STKLD1: variants seen among roughly 807,000 people sequenced by gnomAD.
STKLD1 encodes the protein serine/threonine kinase-like domain-containing protein STKLD1.
STKLD1 carries 79 observed loss-of-function variants against 80.4 expected under a neutral mutation model. That is an observed-to-expected ratio of 0.98 (90% CI 0.82 to 1.19). The LOEUF (loss-of-function observed/expected upper bound fraction) is 1.19. Ranked by LOEUF, STKLD1 falls within the 50% of genes most tolerant of loss-of-function variation. The probability of loss-of-function intolerance (pLI) is 0.00; values close to 1 mark genes in which losing one functional copy is unlikely to be tolerated. For missense variants in STKLD1, 841 were observed against 856.0 expected, an observed-to-expected ratio of 0.98 and a Z score of 0.22; for synonymous variants, 393 against 357.6, an observed-to-expected ratio of 1.10 and a Z score of -1.12.
chr9:133,391,954 G>A (rs1324706749), intron 7 of STKLD1, among the ~76,000 whole-genome samples: 1 of 152,114 alleles, frequency 6.6e-6, no homozygotes, highest in East Asian at 1.9e-4. Flanking sequence ...AGGGGTGGGT[G>A]GCAAGGGGAG....
chr9:133,384,373 C>T lies in STKLD1; in HGVS notation c.219+473C>T, dbSNP rs1369367114. 3 of 159,336 alleles carry T rather than the reference C, an allele frequency of 1.9e-5. No individual in the cohort carries two copies. The highest frequency in any genetic ancestry group is 1.7e-4 in the South Asian group (1 of 5,756). 9.9% of individuals were successfully genotyped at this position (159,336 alleles called of 1,614,324 possible). A position where few individuals can be genotyped will look rare whatever the true frequency, so the allele number is the denominator to read the frequency against. On this transcript the variant is annotated intron_variant, in intron 3 of 17. Transcript: ENST00000371957. This position sits in a 1 kb window ranked among gnomAD's most constrained non-coding sequence, Gnocchi z 4.3. ...GGGAGAATCACTTGAACCTGGGAGG[C>T]GGAGATTGCAATGAGCCGAGATTGC...
chr9:133,397,642 C>T (rs1838596191), intron 10 of STKLD1, among the ~76,000 whole-genome samples: 1 of 152,200 alleles, frequency 6.6e-6, no homozygotes, highest in South Asian at 2.1e-4. Flanking sequence ...GCTTCCACAG[C>T]CTGGGTGGCA....
rs1312923633 is a variant in STKLD1 at position 133,389,902 on chromosome 9, C to T, written c.467+306C>T. Among the ~76,000 whole-genome samples the T allele has an allele frequency of 2.0e-5, 3 of 152,174 alleles. No homozygotes were observed. Among genetic ancestry groups the T allele is most frequent in the Admixed American group, 6.6e-5 (1 of 15,266 alleles). ...CAAGAAGAGAGACCGGGTTGCCTGC[C>T]GTGGGGCCAGTGTGGGCTGAGTGGG... On this transcript the variant is annotated intron_variant, in intron 6 of 17. Transcript: ENST00000371957. This position sits in a 1 kb window ranked among gnomAD's most constrained non-coding sequence, Gnocchi z 6.4.
chr9:133,395,967 A>T, intron 9 of STKLD1: 1 of 529,070 alleles, frequency 1.9e-6, no homozygotes, highest in East Asian at 3.1e-5. Flanking sequence ...TGTACGGTGG[A>T]GTGAGCAGAC....
At position 133,383,865 on chromosome 9, in the gene STKLD1, A is replaced by C. The variant is rs2130271221; in HGVS notation, c.184A>C (p.Met62Leu). ...TCTTGTGCCCTTGCAGGTGGAATGC[A>C]TGGATGACCATTACGCCAGTCAGGC... Reference protein sequence around the residue: ...VKHVIKQVECMDDHYASQALE... With the variant: ...VKHVIKQVECLDDHYASQALE... The change falls in exon 3 of 18, where the codon ATG (methionine) becomes CTG (leucine). Residue 62 changes from methionine (M) to leucine (L), a missense_variant. Physicochemically the swap from Met to Leu is conservative, Grantham distance 15. Transcript: ENST00000371957. The C allele has an allele frequency of 5.0e-6, 8 of 1,613,884 alleles. No individual in the cohort carries two copies. In the African/African-American group the frequency reaches 1.1e-4, roughly 22 times the overall value.
chr9:133,395,587 T>C lies in STKLD1; in HGVS notation c.703-13T>C. On this transcript the variant is annotated splice_polypyrimidine_tract_variant and intron_variant, in intron 8 of 17. Coordinates refer to ENST00000371957, the MANE Select transcript of STKLD1 (RefSeq NM_153710.5). ...CTTAAGGGAATACACAGAGCTGTCCTCTCTCCGTGCAGGGCACAGAAGCCA... is the reference window on the plus strand; with the variant it reads ...CTTAAGGGAATACACAGAGCTGTCCCCTCTCCGTGCAGGGCACAGAAGCCA... 1.9e-6 allele frequency: 3 copies of C among 1,612,110 alleles called. No individual in the cohort carries two copies. The highest frequency in any genetic ancestry group is 2.5e-6 in the Non-Finnish European group (3 of 1,179,560).
At position 133,405,671 on chromosome 9, in the gene STKLD1, C is replaced by T. The variant is rs17150557; in HGVS notation, c.*250C>T. 0.064 allele frequency: 24,157 copies of T among 374,660 alleles called. 970 individuals carry two copies. Among genetic ancestry groups the T allele is most frequent in the Non-Finnish European group, 0.085 (17,885 of 209,396 alleles). The allele number at this position is 374,660 out of a possible 1,614,324, so 23.2% of individuals were successfully genotyped here. On this transcript the variant is annotated 3_prime_UTR_variant, in exon 18 of 18. Transcript: ENST00000371957. ...TCCTTCCAGGAACTGGTTTCTTGCG[C>T]GGAAAAAGTGCTCTTGAGGCTGGAG...
intron 2 of STKLD1, among the ~76,000 whole-genome samples, chr9:133,383,350 GTAA>G (rs1838192182): frequency 3.0e-5 from 2 of 67,102 alleles, no homozygotes; most frequent in African/African-American, 5.1e-5. Flanking sequence ...GGTGATGATG[GTAA>G]TGATGGTGAT....
chr9:133,398,730 G>A (rs1337192036), intron 11 of STKLD1, among the ~76,000 whole-genome samples: 1 of 152,218 alleles, frequency 6.6e-6, no homozygotes, highest in African/African-American at 2.4e-5. Flanking sequence ...AGTGAGCTAC[G>A]CTTGCACCAC....
chr9:133,390,842 G>C lies in STKLD1; in HGVS notation c.583+46G>C. On this transcript the variant is annotated intron_variant, in intron 7 of 17. Transcript: ENST00000371957. The surrounding 1 kb of genome is among the most constrained non-coding windows in gnomAD (Gnocchi z 5.1). Reference sequence around the variant, plus strand: ...TTGTGGGAGAGGGGGTTGGCGCCTAGAATCCAGGCGGCGTTGGCCACTCTG... The same window carrying C: ...TTGTGGGAGAGGGGGTTGGCGCCTACAATCCAGGCGGCGTTGGCCACTCTG... The C allele has an allele frequency of 6.6e-7, 1 of 1,518,398 alleles. No individual in the cohort carries two copies. Among genetic ancestry groups the C allele is most frequent in the Admixed American group, 1.7e-5 (1 of 59,802 alleles). 94.1% of individuals were successfully genotyped at this position (1,518,398 alleles called of 1,614,324 possible).
At chr9:133,382,432 C>T (rs1012560999) in intron 2 of STKLD1, among the ~76,000 whole-genome samples, 3 of 152,176 alleles carry the variant, frequency 2.0e-5, no homozygotes, top group Non-Finnish European at 2.9e-5. Flanking sequence ...GAGCCTGTCA[C>T]TCCTGCTAAA....
chr9:133,403,656 A>C, intron 14 of STKLD1, 44 bp from the exon 15 acceptor site: 1 of 1,594,552 alleles, frequency 6.3e-7, no homozygotes, highest in Non-Finnish European at 8.6e-7. Flanking sequence ...CCCTGCACAC[A>C]CCCAAGGCCT....
chr9:133,393,657 G>A (rs113609393), intron 7 of STKLD1, among the ~76,000 whole-genome samples: 144 of 144,996 alleles, frequency 9.9e-4, no homozygotes, highest in Admixed American at 2.1e-3. Flanking sequence ...GGGTGGGTGG[G>A]TGGATGGATG....
intron 10 of STKLD1, 28 bp from the exon 11 acceptor site, chr9:133,397,943 GT>G: frequency 3.1e-6 from 5 of 1,601,276 alleles, no homozygotes; most frequent in Non-Finnish European, 4.3e-6. Context: ...CCTCAGAAAG[GT>G]CCCTCCCCTG....
chr9:133,388,613 A>C (rs1362980177), intron 5 of STKLD1: 3 of 380,688 alleles, frequency 7.9e-6, no homozygotes, highest in African/African-American at 6.6e-5. Flanking sequence ...TCGCTTTCCC[A>C]ATGCTGACTC....
rs1838823535 is a variant in STKLD1 at position 133,405,275 on chromosome 9, T to C, written c.1897T>C (p.Ser633Pro). The change falls in exon 18 of 18, where the codon TCC becomes CCC. Residue 633 changes from serine to proline, a missense_variant. Physicochemically the swap from Ser to Pro is moderately conservative, Grantham distance 74. Coordinates refer to ENST00000371957, the MANE Select transcript of STKLD1 (RefSeq NM_153710.5). ...AGAGGAGATCCTGCCGGAGCTGGTGTCCAGTAGTATGAAGGCCCTGCTCCA... is the reference window on the plus strand; with the variant it reads ...AGAGGAGATCCTGCCGGAGCTGGTGCCCAGTAGTATGAAGGCCCTGCTCCA... ...SYEEILPELV[S>P]SSMKALLQEI... The C allele has an allele frequency of 6.2e-7, 1 of 1,611,502 alleles. No individual in the cohort carries two copies. The highest frequency in any genetic ancestry group is 1.3e-5 in the African/African-American group (1 of 74,852).
chr9:133,404,691 C>G, intron 16 of STKLD1, 98 bp from the exon 17 acceptor site: 1 of 1,498,978 alleles, frequency 6.7e-7, no homozygotes, highest in South Asian at 1.3e-5. Flanking sequence ...CTGTCCCAGG[C>G]CCCTGTGTGA....
rs782107197 is a variant in STKLD1, at chr9:133,398,068, C to CT, written c.1081+14dup. On this transcript the variant is annotated intron_variant, in intron 11 of 17. Coordinates refer to ENST00000371957, the MANE Select transcript of STKLD1 (RefSeq NM_153710.5). ...GCAGATCAGCTAGGTAGGCCCCACC[C>CT]TGCACCCCTTTCCCAGCTGCTCCCC... 1 of 1,611,902 alleles carries CT rather than the reference C, an allele frequency of 6.2e-7. No homozygotes were observed. Among genetic ancestry groups the CT allele is most frequent in the East Asian group, 2.2e-5 (1 of 44,874 alleles).
intron 16 of STKLD1, among the ~76,000 whole-genome samples, chr9:133,404,353 AAC>A (rs1408897706): frequency 6.6e-6 from 1 of 152,106 alleles, no homozygotes; most frequent in Non-Finnish European, 1.5e-5. Context: ...CAGCTCTGCA[AAC>A]AGTGTCTCCA....
Sources: gnomAD v4.1 joint callset for allele counts (sites outside exome capture counted in the v4.1 genomes callset) on GRCh38, gnomAD v4.1.1 for gene constraint, Gnocchi (gnomAD v3.1) non-coding constraint, MANE v1.5 for transcripts, NCBI Gene and HGNC (gene_info 2026-07-23, HGNC 2026-07-21) for gene names.